CDIN1: variants seen among roughly 807,000 people sequenced by gnomAD.
CDIN1 encodes the protein CDAN1-interacting nuclease 1.
A neutral mutation model predicts 45.3 loss-of-function variants in CDIN1; 33 were observed. The ratio of observed to expected loss-of-function variants is 0.73; its 90% CI spans 0.55 to 0.97. CDIN1 has a LOEUF of 0.97. CDIN1 is among the 50% of genes least tolerant of loss of function. CDIN1 has a pLI of 0.00. For missense variants in CDIN1, 303 were observed against 339.4 expected, an observed-to-expected ratio of 0.89 and a Z score of 0.84; for synonymous variants, 118 against 124.4, an observed-to-expected ratio of 0.95 and a Z score of 0.34.
chr15:36,797,851 A>ACG lies in CDIN1; in HGVS notation c.717-10473_717-10472insCG, dbSNP rs1566981049. Reference sequence around the variant, plus strand: ...AAAAATTAGCTGGGCATGGTGGTGCATGCCTGTAGTCCCAGCTCCTCAGGA... The same window carrying ACG: ...AAAAATTAGCTGGGCATGGTGGTGCACGTGCCTGTAGTCCCAGCTCCTCAGGA... On this transcript the variant is annotated intron_variant, in intron 10 of 10. Coordinates refer to ENST00000566621, the MANE Select transcript of CDIN1 (RefSeq NM_001321759.2). Among the ~76,000 whole-genome samples, 87 of 151,784 alleles carry ACG rather than the reference A, an allele frequency of 5.7e-4. 1 individual carries two copies. Among genetic ancestry groups the ACG allele is most frequent in the African/African-American group, 1.8e-3 (73 of 41,384 alleles).
chr15:36,598,845 C>T (rs1250464130), intron 1 of CDIN1, among the ~76,000 whole-genome samples: 6 of 151,450 alleles, frequency 4.0e-5, no homozygotes, highest in Non-Finnish European at 8.8e-5. Context: ...GTTTGTTTTG[C>T]TTTGGCCATG....
chr15:36,772,062 G>A (rs1205307443), intron 10 of CDIN1, among the ~76,000 whole-genome samples: 1 of 152,158 alleles, frequency 6.6e-6, no homozygotes, highest in African/African-American at 2.4e-5. Flanking sequence ...AGGGACAGAA[G>A]TGAGGATCCT....
chr15:36,644,110 C>T (rs999604730), intron 1 of CDIN1, among the ~76,000 whole-genome samples, 168 bp from the exon 2 acceptor site: 1 of 152,126 alleles, frequency 6.6e-6, no homozygotes, highest in Non-Finnish European at 1.5e-5. Flanking sequence ...CTTGACCCAG[C>T]GGCAGGAAGC....
At position 36,670,271 on chromosome 15, in the gene CDIN1, A is replaced by G. The variant is rs1203496448; in HGVS notation, c.346+12366A>G. Among the ~76,000 whole-genome samples the G allele has an allele frequency of 3.3e-5, 5 of 152,192 alleles. No homozygotes were observed. In the East Asian group the frequency reaches 9.6e-4, roughly 29 times the overall value. ...TGTGTTACCCATAAACTGAGCAAAC[A>G]TATATCCTTGTCTGCTATTCATTTC... On this transcript the variant is annotated intron_variant, in intron 5 of 10. Transcript: ENST00000566621.
At chr15:36,781,585 G>A (rs2054353935) in intron 10 of CDIN1, among the ~76,000 whole-genome samples, 1 of 150,170 alleles carries the variant, frequency 6.7e-6, no homozygotes, top group Non-Finnish European at 1.5e-5. Context: ...ACTGAAACAT[G>A]TTCTTGCTCT....
chr15:36,686,174 T>C (rs1248588964), intron 5 of CDIN1, among the ~76,000 whole-genome samples: 13 of 152,082 alleles, frequency 8.5e-5, no homozygotes, highest in Admixed American at 6.5e-4. Context: ...TGTCCAACAA[T>C]GATAGACTGG....
chr15:36,807,320 G>A (rs1482421566), intron 10 of CDIN1, among the ~76,000 whole-genome samples: 1 of 152,148 alleles, frequency 6.6e-6, no homozygotes, highest in Non-Finnish European at 1.5e-5. Context: ...AAGCAGTTCT[G>A]TTTTTAGACA....
chr15:36,698,750 T>C (rs1344680836), intron 8 of CDIN1, among the ~76,000 whole-genome samples: 2 of 152,138 alleles, frequency 1.3e-5, no homozygotes, highest in East Asian at 3.9e-4. Context: ...TTAGCACCAC[T>C]CTCTGGGCAC....
chr15:36,703,256 G>A (rs1384809727), intron 8 of CDIN1, among the ~76,000 whole-genome samples: 3 of 67,328 alleles, frequency 4.5e-5, no homozygotes, highest in East Asian at 5.5e-4. Flanking sequence ...TATCAGAAAG[G>A]GATATATATA....
rs1440280210 is a variant in CDIN1 at position 36,691,674 on chromosome 15, T to C, written c.347-11T>C. The C allele has an allele frequency of 6.4e-7, 1 of 1,569,030 alleles. No individual in the cohort carries two copies. Among genetic ancestry groups the C allele is most frequent in the Admixed American group, 1.8e-5 (1 of 56,840 alleles). ...ACTATCTGCTAACAGTTCATCTCTT[T>C]TCTTCTACAGCCTCCAAGTCTATTA... On this transcript the variant is annotated splice_polypyrimidine_tract_variant and intron_variant, in intron 5 of 10. Coordinates refer to ENST00000566621, the MANE Select transcript of CDIN1 (RefSeq NM_001321759.2).
At chr15:36,708,508 C>T (rs932593276) in intron 8 of CDIN1, 2 of 145,010 alleles carry the variant, frequency 1.4e-5, no homozygotes, top group African/African-American at 5.1e-5. Context: ...TAGTTTTTCC[C>T]AACTTTGTCA....
chr15:36,616,444 G>A lies in CDIN1; in HGVS notation c.102-27834G>A, dbSNP rs1595748322. On this transcript the variant is annotated intron_variant, in intron 1 of 10. Transcript: ENST00000566621. ...ATTACAAGCATGAGCCACTACACCC[G>A]GCTAATTTTGTATTTTTAGTAGAGA... Among the ~76,000 whole-genome samples, 3 of 151,650 alleles carry A rather than the reference G, an allele frequency of 2.0e-5. No individual in the cohort carries two copies. The East Asian group carries it at 5.9e-4, about 30-fold the overall frequency.
intron 10 of CDIN1, among the ~76,000 whole-genome samples, chr15:36,753,775 G>A (rs1004247872): frequency 6.6e-6 from 1 of 152,100 alleles, no homozygotes; most frequent in Non-Finnish European, 1.5e-5. Flanking sequence ...TGAGGTATAA[G>A]AGAAGCTTGG....
chr15:36,786,054 G>C (rs1336938908), intron 10 of CDIN1, among the ~76,000 whole-genome samples: 1 of 152,142 alleles, frequency 6.6e-6, no homozygotes, highest in Non-Finnish European at 1.5e-5. Flanking sequence ...ACTTTCCAGT[G>C]GTTTCCAGAG....
chr15:36,709,371 A>AAAGC, intron 9 of CDIN1, 83 bp downstream of exon 9: 9 of 950,984 alleles, frequency 9.5e-6, no homozygotes, highest in Non-Finnish European at 1.4e-5. Context: ...TATTAGCTTT[A>AAAGC]TAATATTATA....
intron 5 of CDIN1, among the ~76,000 whole-genome samples, chr15:36,671,053 T>C (rs980707821): frequency 3.9e-5 from 6 of 152,190 alleles, no homozygotes; most frequent in African/African-American, 1.4e-4. Context: ...TGTTTGTCTC[T>C]AGTTGTATCT....
At chr15:36,681,430 T>C (rs781526787) in intron 5 of CDIN1, among the ~76,000 whole-genome samples, 14 of 152,040 alleles carry the variant, frequency 9.2e-5, no homozygotes, top group Non-Finnish European at 1.8e-4. Context: ...GTAGGAGACA[T>C]AGAGGATAGA....
At chr15:36,806,915 A>G (rs960588979) in intron 10 of CDIN1, among the ~76,000 whole-genome samples, 1 of 152,114 alleles carries the variant, frequency 6.6e-6, no homozygotes, top group African/African-American at 2.4e-5. Flanking sequence ...ACCCCAAAGG[A>G]ATCTCTTCTT....
At chr15:36,674,141 A>G (rs11634933) in intron 5 of CDIN1, among the ~76,000 whole-genome samples, 29,453 of 152,154 alleles carry the variant, frequency 0.19, 3,535 homozygotes, top group Admixed American at 0.32. Context: ...TGGTGTTGGA[A>G]CCTGCAATGA....
Sources: gnomAD v4.1 joint callset for allele counts (sites outside exome capture counted in the v4.1 genomes callset) on GRCh38, gnomAD v4.1.1 for gene constraint, MANE v1.5 for transcripts, NCBI Gene and HGNC (gene_info 2026-07-23, HGNC 2026-07-21) for gene names.